The following PTPRD variants were observed in gnomAD, a reference collection of about 807,000 sequenced individuals.
PTPRD encodes protein tyrosine phosphatase receptor type D, also known as receptor-type tyrosine-protein phosphatase delta.
Under a neutral mutation model 214.5 loss-of-function variants are expected in PTPRD, and 34 were observed. The observed-to-expected ratio is 0.16, with a 90% CI of 0.12 to 0.21. PTPRD has a LOEUF of 0.21. Ranked by LOEUF, PTPRD falls within the 10% of genes least tolerant of loss-of-function variation. The pLI is 1.00. For missense variants in PTPRD, 2,545 were observed against 2,398.7 expected, an observed-to-expected ratio of 1.06 and a Z score of -1.27; for synonymous variants, 1,128 against 845.7, an observed-to-expected ratio of 1.33 and a Z score of -5.79.
At chr9:9,103,471 A>G (rs1193845913) in intron 10 of PTPRD, among the ~76,000 whole-genome samples, 1 of 152,216 alleles carries the variant, frequency 6.6e-6, no homozygotes, top group Non-Finnish European at 1.5e-5. Context: ...TAAATATATG[A>G]TGAACTTATA....
At chr9:10,090,499 T>C (rs1300185034) in intron 3 of PTPRD, among the ~76,000 whole-genome samples, 1 of 151,310 alleles carries the variant, frequency 6.6e-6, no homozygotes, top group Non-Finnish European at 1.5e-5. Flanking sequence ...CACCATGATT[T>C]TAACAACTTT....
intron 12 of PTPRD, among the ~76,000 whole-genome samples, chr9:8,726,586 AAAATATATATATAT>A (rs2098564884): frequency 5.4e-5 from 1 of 18,630 alleles, no homozygotes; most frequent in Non-Finnish European, 1.0e-4. Flanking sequence ...AAAAAAAAAA[AAAATATATATATAT>A]ATATATATAT....
intron 5 of PTPRD, among the ~76,000 whole-genome samples, chr9:9,914,512 C>G (rs904008287): frequency 1.3e-5 from 2 of 152,204 alleles, no homozygotes; most frequent in African/African-American, 2.4e-5. Flanking sequence ...CAGCCTTTCT[C>G]TCACATTCTA....
chr9:8,596,128 C>T (rs915891950), intron 14 of PTPRD, among the ~76,000 whole-genome samples: 4 of 151,894 alleles, frequency 2.6e-5, no homozygotes, highest in Non-Finnish European at 5.9e-5. Flanking sequence ...CATAGTAATG[C>T]AGGGTAATGT....
rs1007889809 is a variant in PTPRD, at chr9:8,341,679, A to C, written c.4947+14T>G. 1 of 1,612,430 alleles carries C rather than the reference A, an allele frequency of 6.2e-7. No individual in the cohort carries two copies. Among genetic ancestry groups the C allele is most frequent in the African/African-American group, 1.3e-5 (1 of 74,962 alleles). On this transcript the variant is annotated intron_variant, in intron 40 of 45. Coordinates refer to ENST00000381196, the MANE Select transcript of PTPRD (RefSeq NM_002839.4). ...ACTTGCTCCTGAATAACCACATCAC[A>C]TCCAATACCATACCTTAAATTCGAG...
At chr9:8,460,323 C>A (rs1048322953) in intron 33 of PTPRD, 88 bp downstream of exon 33, 2 of 1,490,236 alleles carry the variant, frequency 1.3e-6, no homozygotes, top group Non-Finnish European at 1.9e-6. Context: ...CTACTAAAAT[C>A]AACCACCTAA....
At chr9:9,042,897 G>T (rs186427636) in intron 10 of PTPRD, among the ~76,000 whole-genome samples, 156 of 152,200 alleles carry the variant, frequency 1.0e-3, no homozygotes, top group African/African-American at 3.7e-3. Context: ...CTGGTCTGGG[G>T]TGGCAACAGC....
chr9:8,561,254 C>G (rs1056026428), intron 14 of PTPRD, among the ~76,000 whole-genome samples: 1 of 152,090 alleles, frequency 6.6e-6, no homozygotes, highest in African/African-American at 2.4e-5. Flanking sequence ...CCAATCAGCA[C>G]ATACTCCTCA....
rs564928658 is a variant in PTPRD, at chr9:9,625,569, T to C, written c.-286-50788A>G. 4.1e-5 allele frequency among the ~76,000 whole-genome samples: 6 copies of C among 147,188 alleles called. No individual in the cohort carries two copies. The South Asian group carries it at 1.1e-3, about 26-fold the overall frequency. ...TGTTCCTCTATTTTTTTTTTTTTTG[T>C]TTTGAGTGAGGGGAGGATGGGACTC... On this transcript the variant is annotated intron_variant, in intron 7 of 45. Coordinates refer to ENST00000381196, the MANE Select transcript of PTPRD (RefSeq NM_002839.4).
intron 7 of PTPRD, among the ~76,000 whole-genome samples, chr9:9,729,708 A>G (rs1446443912): frequency 6.6e-6 from 1 of 152,106 alleles, no homozygotes; most frequent in Non-Finnish European, 1.5e-5. Context: ...GGGTCATGTC[A>G]TATCCTTTTT....
chr9:9,687,518 G>A (rs1409428289), intron 7 of PTPRD, among the ~76,000 whole-genome samples: 6 of 144,892 alleles, frequency 4.1e-5, no homozygotes, highest in African/African-American at 1.5e-4. Context: ...AATATAGGGA[G>A]AGCATAGGGC....
intron 8 of PTPRD, among the ~76,000 whole-genome samples, chr9:9,488,531 T>C (rs1213320334): frequency 6.6e-6 from 1 of 152,248 alleles, no homozygotes; most frequent in East Asian, 1.9e-4. Context: ...CAAATCTGGA[T>C]GAATTTCCAC....
intron 3 of PTPRD, among the ~76,000 whole-genome samples, chr9:10,163,604 G>C (rs1191290129): frequency 1.3e-5 from 2 of 151,166 alleles, no homozygotes; most frequent in Non-Finnish European, 3.0e-5. Context: ...TCTATATATA[G>C]ATCAAAGACA....
chr9:10,073,021 C>T (rs766113235), intron 3 of PTPRD, among the ~76,000 whole-genome samples: 16 of 151,988 alleles, frequency 1.1e-4, no homozygotes, highest in Non-Finnish European at 2.1e-4. Flanking sequence ...TTAAGCCATA[C>T]AAAATATCGA....
At chr9:9,336,532 A>G (rs2044551425) in intron 9 of PTPRD, among the ~76,000 whole-genome samples, 1 of 152,096 alleles carries the variant, frequency 6.6e-6, no homozygotes, top group Non-Finnish European at 1.5e-5. Context: ...ATATCCCTAA[A>G]TGATAAAGTT....
chr9:8,758,218 G>A (rs971083740), intron 11 of PTPRD, among the ~76,000 whole-genome samples: 3 of 152,046 alleles, frequency 2.0e-5, no homozygotes, highest in African/African-American at 4.8e-5. Flanking sequence ...TCTCAACTGC[G>A]GTTCCACAAG....
At chr9:8,781,091 A>G (rs1345559965) in intron 11 of PTPRD, among the ~76,000 whole-genome samples, 1 of 151,794 alleles carries the variant, frequency 6.6e-6, no homozygotes, top group Non-Finnish European at 1.5e-5. Flanking sequence ...TTCACCAACC[A>G]CTTTTTTTTT....
chr9:8,498,564 G>T (rs144373110), intron 25 of PTPRD, among the ~76,000 whole-genome samples: 1 of 152,180 alleles, frequency 6.6e-6, no homozygotes, highest in African/African-American at 2.4e-5. Context: ...ACCTGGTGCC[G>T]CAGTTTTCAA....
At chr9:9,914,135 C>A (rs57333834) in intron 5 of PTPRD, among the ~76,000 whole-genome samples, 1 of 152,180 alleles carries the variant, frequency 6.6e-6, no homozygotes, top group Non-Finnish European at 1.5e-5. Flanking sequence ...ATGCTGCACT[C>A]CTTTCCCAAT....
Sources: gnomAD v4.1 joint callset for allele counts (sites outside exome capture counted in the v4.1 genomes callset) on GRCh38, gnomAD v4.1.1 for gene constraint, MANE v1.5 for transcripts, NCBI Gene and HGNC (gene_info 2026-07-23, HGNC 2026-07-21) for gene names.